NDUFA10: variants seen among roughly 807,000 people sequenced by gnomAD.
The protein encoded by NDUFA10 is NADH dehydrogenase [ubiquinone] 1 alpha subcomplex subunit 10, mitochondrial.
Under a neutral mutation model 47.8 loss-of-function variants are expected in NDUFA10, and 40 were observed. The ratio of observed to expected loss-of-function variants is 0.84; its 90% CI spans 0.65 to 1.09. NDUFA10 has a LOEUF of 1.09. Ranked by LOEUF, NDUFA10 falls within the 50% of genes least tolerant of loss-of-function variation. NDUFA10 has a pLI of 0.00. For synonymous variants in NDUFA10, 183 were observed against 172.2 expected (o/e 1.06, Z -0.49); for missense variants, 413 against 451.1 (o/e 0.92, Z 0.76).
chr2:239,994,200 GGCCACAAACCT>G (rs1696373073), intron 8 of NDUFA10, among the ~76,000 whole-genome samples: 1 of 152,080 alleles, frequency 6.6e-6, no homozygotes, highest in Non-Finnish European at 1.5e-5. Context: ...CCAGCCTCCG[GGCCACAAACCT>G]CTGCAACCTG....
At chr2:239,999,031 C>G (rs766945611) in intron 8 of NDUFA10, among the ~76,000 whole-genome samples, 4 of 152,172 alleles carry the variant, frequency 2.6e-5, no homozygotes, top group Non-Finnish European at 4.4e-5. Flanking sequence ...GAGCTGCTGG[C>G]AGAGGGGAGG....
intron 4 of NDUFA10, among the ~76,000 whole-genome samples, chr2:239,929,424 A>G (rs1035514220): frequency 2.6e-5 from 4 of 152,190 alleles, no homozygotes; most frequent in Non-Finnish European, 5.9e-5. Context: ...GGAAAAAATG[A>G]GTCAAAAAGA....
In NDUFA10 at chr2:239,960,946, C is replaced by A. The variant is rs1179414905; in HGVS notation, c.*172G>T. ...CCAGAATGGAAGCTGCTTCCCCCAACTCCATTACCTATACTACAGGATGGA... is the reference window on the plus strand; with the variant it reads ...CCAGAATGGAAGCTGCTTCCCCCAAATCCATTACCTATACTACAGGATGGA... On this transcript the variant is annotated 3_prime_UTR_variant, in exon 10 of 10. Transcript: ENST00000252711. 32 of 1,510,796 alleles carry A rather than the reference C, an allele frequency of 2.1e-5. No individual in the cohort carries two copies. Among genetic ancestry groups the A allele is most frequent in the Non-Finnish European group, 2.0e-5 (23 of 1,126,304 alleles). 93.6% of individuals were successfully genotyped at this position (1,510,796 alleles called of 1,614,324 possible).
At chr2:239,924,759 A>T (rs192598444) in intron 4 of NDUFA10, among the ~76,000 whole-genome samples, 1 of 152,280 alleles carries the variant, frequency 6.6e-6, no homozygotes, top group African/African-American at 2.4e-5. Context: ...AAAAAAATAA[A>T]GAAAAACTCT....
chr2:239,952,080 G>A (rs73007417), intron 4 of NDUFA10, among the ~76,000 whole-genome samples: 1,645 of 152,288 alleles, frequency 0.011, 9 homozygotes, highest in Middle Eastern at 0.027. Flanking sequence ...CACAGGAGCC[G>A]CCTGTGAGCC....
intron 4 of NDUFA10, among the ~76,000 whole-genome samples, chr2:239,922,529 C>T (rs894613785): frequency 6.6e-6 from 1 of 152,228 alleles, no homozygotes; most frequent in East Asian, 1.9e-4. Context: ...ATGTGTTCCT[C>T]TAGACAGTAC....
chr2:239,931,726 G>A (rs1043375260), intron 4 of NDUFA10, among the ~76,000 whole-genome samples: 1 of 152,304 alleles, frequency 6.6e-6, no homozygotes, highest in South Asian at 2.1e-4. Flanking sequence ...GTAACGTCCT[G>A]TGAGAAGACA....
intron 8 of NDUFA10, among the ~76,000 whole-genome samples, chr2:239,994,290 G>A (rs980709998): frequency 1.3e-5 from 2 of 152,042 alleles, no homozygotes; most frequent in African/African-American, 2.4e-5. Context: ...ATTTATAGCC[G>A]ATTCCCCTGC....
intron 4 of NDUFA10, among the ~76,000 whole-genome samples, chr2:239,898,528 G>A (rs567529551): frequency 8.5e-5 from 13 of 152,356 alleles, no homozygotes; most frequent in African/African-American, 2.6e-4. Flanking sequence ...GAACCCTGGG[G>A]CTTCCAACCC....
At chr2:239,935,451 G>A (rs371630120) in intron 4 of NDUFA10, among the ~76,000 whole-genome samples, 1 of 152,190 alleles carries the variant, frequency 6.6e-6, no homozygotes, top group Non-Finnish European at 1.5e-5. Flanking sequence ...CGGGCCTCGG[G>A]GAGCAGCCTG....
intron 5 of NDUFA10, 88 bp from the exon 6 acceptor site, chr2:240,011,784 T>G: frequency 1.7e-6 from 2 of 1,170,434 alleles, no homozygotes; most frequent in Middle Eastern, 2.3e-4. Context: ...AGACAATCAC[T>G]GACCACCATT....
intron 4 of NDUFA10, among the ~76,000 whole-genome samples, chr2:239,921,704 A>C (rs530339152): frequency 6.6e-6 from 1 of 152,114 alleles, no homozygotes; most frequent in Non-Finnish European, 1.5e-5. Context: ...TTGTAAGGCC[A>C]GGCCGAGGAG....
At chr2:239,905,869 C>A (rs1395113416) in intron 4 of NDUFA10, among the ~76,000 whole-genome samples, 1 of 106,646 alleles carries the variant, frequency 9.4e-6, no homozygotes, top group Admixed American at 9.3e-5. Context: ...GGGGAGCAGC[C>A]TGGGAGGGGA....
At chr2:239,921,260 C>A (rs1385095575) in intron 4 of NDUFA10, among the ~76,000 whole-genome samples, 2 of 139,250 alleles carry the variant, frequency 1.4e-5, no homozygotes, top group East Asian at 5.2e-4. Context: ...TTTGTGGTCT[C>A]ACTGACTTCA....
intron 1 of NDUFA10, among the ~76,000 whole-genome samples, chr2:240,024,857 G>T (rs1697789116): frequency 6.6e-6 from 1 of 152,222 alleles, no homozygotes; most frequent in Admixed American, 6.5e-5. Context: ...GCACCCAGCA[G>T]GGCCCGACCT....
chr2:239,968,937 A>G (rs1024671208), intron 9 of NDUFA10, among the ~76,000 whole-genome samples: 1 of 152,230 alleles, frequency 6.6e-6, no homozygotes, highest in Admixed American at 6.5e-5. Context: ...TCCTGAAGAA[A>G]GCCCATTGCA....
intron 4 of NDUFA10, among the ~76,000 whole-genome samples, chr2:240,015,063 C>G (rs1697292216): frequency 6.6e-6 from 1 of 152,258 alleles, no homozygotes; most frequent in African/African-American, 2.4e-5. Flanking sequence ...GGGGCATGTG[C>G]AGACAGCAGC....
chr2:239,927,138 C>A (rs1443946004), intron 4 of NDUFA10, among the ~76,000 whole-genome samples: 1 of 152,152 alleles, frequency 6.6e-6, no homozygotes. Context: ...CCCTATCAGA[C>A]ATGGATGATC....
At chr2:240,023,627 A>C (rs907454900) in intron 1 of NDUFA10, among the ~76,000 whole-genome samples, 10 of 152,384 alleles carry the variant, frequency 6.6e-5, no homozygotes, top group Non-Finnish European at 1.2e-4. Context: ...ATAGTTAAAC[A>C]AAATTAAGGC....
Sources: allele counts gnomAD v4.1 joint callset (sites outside exome capture counted in the v4.1 genomes callset), GRCh38; gene constraint gnomAD v4.1.1; transcripts MANE v1.5; gene names NCBI Gene and HGNC (gene_info 2026-07-23, HGNC 2026-07-21).